The following DLGAP2 variants were observed in gnomAD, a reference collection of about 807,000 sequenced individuals.
DLGAP2 encodes the protein DLG associated protein 2, also known as disks large-associated protein 2.
Under a neutral mutation model 100.3 loss-of-function variants are expected in DLGAP2, and 26 were observed. The observed-to-expected ratio is 0.26, with a 90% CI of 0.19 to 0.36. The LOEUF (loss-of-function observed/expected upper bound fraction) is 0.36, where lower values mean the gene tolerates loss of function less well. Among genes scored for constraint, DLGAP2 ranks in the 10% least tolerant of loss-of-function variants. The probability of loss-of-function intolerance (pLI) is 1.00; values close to 1 mark genes in which losing one functional copy is unlikely to be tolerated. For synonymous variants in DLGAP2, 886 were observed against 630.1 expected, an observed-to-expected ratio of 1.41 and a Z score of -6.08; for missense variants, 1,858 against 1,453.2, an observed-to-expected ratio of 1.28 and a Z score of -4.53.
At chr8:1,207,533 G>C (rs1368727688) in intron 2 of DLGAP2, among the ~76,000 whole-genome samples, 3 of 152,188 alleles carry the variant, frequency 2.0e-5, no homozygotes, top group Non-Finnish European at 4.4e-5. Context: ...ACACATGCAT[G>C]TGCAAGGATC....
chr8:1,412,645 C>G (rs549473112), intron 3 of DLGAP2, among the ~76,000 whole-genome samples: 3 of 152,170 alleles, frequency 2.0e-5, no homozygotes, highest in Non-Finnish European at 2.9e-5. Flanking sequence ...CAATGGAGCC[C>G]ACTGTGAAGA....
chr8:1,059,321 C>G (rs928206075), intron 2 of DLGAP2, among the ~76,000 whole-genome samples: 3 of 137,226 alleles, frequency 2.2e-5, no homozygotes, highest in African/African-American at 8.9e-5. Flanking sequence ...GGTATGGACT[C>G]TCCCTGCCTT....
At position 1,515,612 on chromosome 8, in the gene DLGAP2, GCACA is replaced by G. The variant is rs138432516; in HGVS notation, c.172+14188_172+14191del. Among the ~76,000 whole-genome samples, 120 of 152,084 alleles carry G rather than the reference GCACA, an allele frequency of 7.9e-4. 1 individual carries two copies. The highest frequency in any genetic ancestry group is 2.7e-3 in the African/African-American group (113 of 41,458). On this transcript the variant is annotated intron_variant, in intron 4 of 14. Transcript: ENST00000637795. ...CAAAAATATGCAGACACACGTGCAT[GCACA>G]CACACATGCAGACACAAGCACACAC...
intron 4 of DLGAP2, among the ~76,000 whole-genome samples, chr8:1,545,272 C>T (rs1184424085): frequency 6.6e-6 from 1 of 152,014 alleles, no homozygotes; most frequent in African/African-American, 2.4e-5. Context: ...ACTTTTCGTC[C>T]CACAAGCACG....
intron 2 of DLGAP2, among the ~76,000 whole-genome samples, chr8:1,217,121 C>T (rs1171377436): frequency 6.6e-6 from 1 of 152,142 alleles, no homozygotes; most frequent in Non-Finnish European, 1.5e-5. Context: ...ACCCTTCACC[C>T]TCAAATAGAC....
intron 3 of DLGAP2, among the ~76,000 whole-genome samples, chr8:1,329,631 A>T (rs1259981579): frequency 6.6e-6 from 1 of 151,946 alleles, no homozygotes; most frequent in Non-Finnish European, 1.5e-5. Flanking sequence ...AGCCGAGGGG[A>T]ATGAACATGG....
intron 4 of DLGAP2, among the ~76,000 whole-genome samples, chr8:1,540,850 A>T (rs1801338886): frequency 6.6e-6 from 1 of 152,290 alleles, no homozygotes; most frequent in African/African-American, 2.4e-5. Context: ...CCACACAAAC[A>T]TCCAGGTCTC....
chr8:852,241 A>G (rs1384392141), intron 1 of DLGAP2, among the ~76,000 whole-genome samples: 1 of 152,144 alleles, frequency 6.6e-6, no homozygotes, highest in Non-Finnish European at 1.5e-5. Flanking sequence ...GGTGGATGAC[A>G]CAGACTTCCG....
chr8:1,136,061 C>A (rs1336511370), intron 2 of DLGAP2, among the ~76,000 whole-genome samples: 1 of 152,178 alleles, frequency 6.6e-6, no homozygotes, highest in Admixed American at 6.5e-5. Context: ...TTTTTCCCAA[C>A]CTGCTCATGA....
chr8:1,187,774 C>T (rs1451971684), intron 2 of DLGAP2, among the ~76,000 whole-genome samples: 29 of 139,240 alleles, frequency 2.1e-4, no homozygotes, highest in Admixed American at 3.4e-4. Flanking sequence ...CTCACACGCC[C>T]GGGACCTCTG....
intron 2 of DLGAP2, among the ~76,000 whole-genome samples, chr8:1,083,159 A>G (rs966397021): frequency 6.6e-6 from 1 of 152,180 alleles, no homozygotes; most frequent in Non-Finnish European, 1.5e-5. Flanking sequence ...TTGGAGAGGA[A>G]TATCGTAAAT....
rs1563104739 is a variant in DLGAP2 at position 1,360,311 on chromosome 8, C to CGGGGCGGGGCTTCTCT, written c.106+101443_106+101444insTGGGGCGGGGCTTCTC. On this transcript the variant is annotated intron_variant, in intron 3 of 14. Transcript: ENST00000637795. The stretch of plus-strand genomic sequence containing the variant: ...GGGCTTCTCCGGGGCGGGGCTTCTC[C>CGGGGCGGGGCTTCTCT]GGGGCGGGGCTTCTCCAGGACGGTG... Among the ~76,000 whole-genome samples the CGGGGCGGGGCTTCTCT allele has an allele frequency of 1.8e-3, 109 of 60,666 alleles. 8 individuals carry two copies. The highest frequency in any genetic ancestry group is 7.4e-3 in the Middle Eastern group (1 of 136). 39.8% of individuals were successfully genotyped at this position (60,666 alleles called of 152,430 possible).
intron 2 of DLGAP2, among the ~76,000 whole-genome samples, chr8:1,130,537 A>T (rs879439285): frequency 1.3e-5 from 2 of 152,220 alleles, no homozygotes; most frequent in African/African-American, 2.4e-5. Context: ...TGCACCCATT[A>T]GATAAAAGCA....
At chr8:1,105,852 T>C (rs371703935) in intron 2 of DLGAP2, among the ~76,000 whole-genome samples, 53 of 147,514 alleles carry the variant, frequency 3.6e-4, no homozygotes, top group African/African-American at 1.1e-3. Flanking sequence ...GGTTTTCTAC[T>C]GAGGGGGACC....
At chr8:901,861 G>A (rs977594742) in intron 1 of DLGAP2, among the ~76,000 whole-genome samples, 1 of 152,190 alleles carries the variant, frequency 6.6e-6, no homozygotes, top group Non-Finnish European at 1.5e-5. Flanking sequence ...TGTTGCTCCC[G>A]TTTGCAGGCT....
At chr8:1,682,499 G>C (rs1042989158) in intron 12 of DLGAP2, among the ~76,000 whole-genome samples, 1 of 151,180 alleles carries the variant, frequency 6.6e-6, no homozygotes, top group Non-Finnish European at 1.5e-5. Context: ...TTTTGAGAGG[G>C]AGTCTTGCTC....
At chr8:868,484 G>C (rs1023451408) in intron 1 of DLGAP2, among the ~76,000 whole-genome samples, 1 of 152,204 alleles carries the variant, frequency 6.6e-6, no homozygotes, top group African/African-American at 2.4e-5. Context: ...ACGGTGAGCC[G>C]TGCACTGTTT....
rs376605421 is a variant in DLGAP2 at position 1,075,245 on chromosome 8, G to A, written c.73+167279G>A. ...AGATGACCACTCCGGCTGCCTTTTC[G>A]AGTTAGGACCCTCTTGTTGAGGAGC... On this transcript the variant is annotated intron_variant, in intron 2 of 14. Coordinates refer to ENST00000637795, the MANE Select transcript of DLGAP2 (RefSeq NM_001346810.2). Among the ~76,000 whole-genome samples the A allele has an allele frequency of 3.3e-5, 5 of 152,254 alleles. No individual in the cohort carries two copies. The South Asian group carries it at 1.0e-3, about 32-fold the overall frequency.
Position 1,087,553 on chromosome 8 carries a change from C to T in DLGAP2, c.74-171298C>T, listed in dbSNP as rs1206111957. On this transcript the variant is annotated intron_variant, in intron 2 of 14. Coordinates refer to ENST00000637795, the MANE Select transcript of DLGAP2 (RefSeq NM_001346810.2). ...GTGTGACTCCTCTTTCTCTCTCTCTCTTTTTTTTTTTTTCATGTTCTCTCT... is the reference window on the plus strand; with the variant it reads ...GTGTGACTCCTCTTTCTCTCTCTCTTTTTTTTTTTTTTTCATGTTCTCTCT... 2.0e-5 allele frequency among the ~76,000 whole-genome samples: 3 copies of T among 146,498 alleles called. No homozygotes were observed. In the East Asian group the frequency reaches 6.0e-4, roughly 29 times the overall value.
Sources: gnomAD v4.1 joint callset for allele counts (sites outside exome capture counted in the v4.1 genomes callset) on GRCh38, gnomAD v4.1.1 for gene constraint, MANE v1.5 for transcripts, NCBI Gene and HGNC (gene_info 2026-07-23, HGNC 2026-07-21) for gene names.